Variants in KRCC1 observed in about 807,000 individuals in gnomAD.
KRCC1 encodes the protein lysine-rich coiled-coil protein 1.
A neutral mutation model predicts 7.4 loss-of-function variants in KRCC1; 3 were observed. The observed-to-expected ratio is 0.40, with a 90% CI of 0.18 to 1.04. KRCC1 has a LOEUF of 1.04. Ranked by LOEUF, KRCC1 falls within the 50% of genes least tolerant of loss-of-function variation. The pLI is 0.33. For synonymous variants in KRCC1, 102 were observed against 101.6 expected (o/e 1.00, Z -0.02); for missense variants, 277 against 300.9 (o/e 0.92, Z 0.59).
chr2:88,046,879 G>A (rs146763735), intron 1 of KRCC1, among the ~76,000 whole-genome samples: 1,629 of 152,060 alleles, frequency 0.011, 20 homozygotes, highest in Middle Eastern at 0.017. Flanking sequence ...TTGCTTTGTT[G>A]CCCAGGTTGG....
At chr2:88,032,223 T>C (rs1673008507) in intron 3 of KRCC1, among the ~76,000 whole-genome samples, 1 of 152,142 alleles carries the variant, frequency 6.6e-6, no homozygotes, top group Non-Finnish European at 1.5e-5. Flanking sequence ...AGTAATATCT[T>C]AGGCCTTCCC....
chr2:88,032,292 T>C (rs981949915), intron 3 of KRCC1, among the ~76,000 whole-genome samples: 3 of 152,186 alleles, frequency 2.0e-5, no homozygotes, highest in African/African-American at 7.2e-5. Context: ...CCTCCATTCA[T>C]GCTAAATGCC....
At position 88,031,122 on chromosome 2, in the gene KRCC1, C is replaced by T. The variant is rs58550079; in HGVS notation, c.-22-2537G>A. On this transcript the variant is annotated intron_variant, in intron 3 of 3. Coordinates refer to ENST00000347055, the MANE Select transcript of KRCC1 (RefSeq NM_016618.3). ...TTAAAAAAAAAAGTTAACTGTAAAA[C>T]AGCCTCAGGAAGGTCCTTCAGAAGG... 4.0e-5 allele frequency among the ~76,000 whole-genome samples: 6 copies of T among 151,842 alleles called. No homozygotes were observed. In the East Asian group the frequency reaches 1.2e-3, roughly 29 times the overall value.
At chr2:88,036,841 C>T (rs749066266) in intron 2 of KRCC1, 102 bp downstream of exon 2, 2 of 152,134 alleles carry the variant, frequency 1.3e-5, no homozygotes, top group Non-Finnish European at 2.9e-5. Flanking sequence ...ATCAAAAGGA[C>T]AATACTTTTC....
At chr2:88,035,674 GA>G (rs779552115) in intron 2 of KRCC1, among the ~76,000 whole-genome samples, 1 of 152,108 alleles carries the variant, frequency 6.6e-6, no homozygotes, top group Non-Finnish European at 1.5e-5. Flanking sequence ...TAAATGTAGG[GA>G]AAAGGACACT....
At chr2:88,050,106 T>A (rs879765935) in intron 1 of KRCC1, among the ~76,000 whole-genome samples, 2 of 152,226 alleles carry the variant, frequency 1.3e-5, no homozygotes, top group Admixed American at 6.5e-5. Context: ...CCAAGTATAA[T>A]ATCTGGCACA....
At chr2:88,047,775 C>T (rs1207426854) in intron 1 of KRCC1, among the ~76,000 whole-genome samples, 2 of 151,750 alleles carry the variant, frequency 1.3e-5, no homozygotes, top group Non-Finnish European at 1.5e-5. Context: ...AGTGATCTGC[C>T]GCCTCGGCCT....
In KRCC1 at chr2:88,032,248, C is replaced by T. The variant is rs565104025; in HGVS notation, c.-23+1886G>A. On this transcript the variant is annotated intron_variant, in intron 3 of 3. Transcript: ENST00000347055. ...TAGGCCTTCCCATTAACTCACCACTCACTGACTCAGAGCAACTTGCAGTCC... is the reference window on the plus strand; with the variant it reads ...TAGGCCTTCCCATTAACTCACCACTTACTGACTCAGAGCAACTTGCAGTCC... 3.9e-5 allele frequency among the ~76,000 whole-genome samples: 6 copies of T among 152,254 alleles called. No homozygotes were observed. The South Asian group carries it at 1.2e-3, about 32-fold the overall frequency.
chr2:88,048,086 A>T (rs201285706), intron 1 of KRCC1, among the ~76,000 whole-genome samples: 5 of 146,900 alleles, frequency 3.4e-5, no homozygotes, highest in African/African-American at 5.0e-5. Context: ...TTTTCAGTGT[A>T]TTTTTTTTTT....
In KRCC1 at chr2:88,027,752, A is replaced by ATT. The variant is rs1558828779; in HGVS notation, c.*30_*31dup. 5 of 1,538,586 alleles carry ATT rather than the reference A, an allele frequency of 3.2e-6. No individual in the cohort carries two copies. In the East Asian group the frequency reaches 1.1e-4, roughly 35 times the overall value. Reference sequence around the variant, plus strand: ...AACCAAGCTCTCACCTATTTTTTCAATTTAACTTTGGGAGAACCAACTTTG... The same window carrying ATT: ...AACCAAGCTCTCACCTATTTTTTCAATTTTTAACTTTGGGAGAACCAACTTTG... On this transcript the variant is annotated 3_prime_UTR_variant, in exon 4 of 4. Coordinates refer to ENST00000347055, the MANE Select transcript of KRCC1 (RefSeq NM_016618.3).
chr2:88,045,300 G>C (rs1394692628), intron 1 of KRCC1, among the ~76,000 whole-genome samples: 2 of 152,086 alleles, frequency 1.3e-5, no homozygotes, highest in Non-Finnish European at 2.9e-5. Flanking sequence ...AGCTTTATTT[G>C]TAACAGCCAA....
Position 88,028,178 on chromosome 2 carries a change from G to A in KRCC1, c.386C>T (p.Ser129Leu). 2.5e-6 allele frequency: 4 copies of A among 1,614,146 alleles called. No individual in the cohort carries two copies. Among genetic ancestry groups the A allele is most frequent in the Non-Finnish European group, 3.4e-6 (4 of 1,180,024 alleles). ...GTAAACTCTATGTTCTACACCATGT[G>A]AGCCACAAATATATTCTTGTTGATT... ...NFNQQEYICG[S>L]HGVEHRVYKH... The change falls in exon 4 of 4, where the codon TCA (serine) becomes TTA (leucine). Residue 129 changes from serine (S) to leucine (L), a missense_variant. Ser to Leu is a moderately radical substitution (Grantham distance 145). Transcript: ENST00000347055.
intron 3 of KRCC1, among the ~76,000 whole-genome samples, chr2:88,032,832 G>A (rs1319916698): frequency 6.6e-6 from 1 of 152,138 alleles, no homozygotes; most frequent in Admixed American, 6.5e-5. Flanking sequence ...TAGGCATAGT[G>A]GCTCATGCCT....
At chr2:88,028,911 A>G (rs941891734) in intron 3 of KRCC1, among the ~76,000 whole-genome samples, 9 of 152,134 alleles carry the variant, frequency 5.9e-5, no homozygotes, top group Admixed American at 5.9e-4. Context: ...TCAGCCTCCC[A>G]AAGTGCCAGG....
chr2:88,041,589 T>C (rs760191292), intron 1 of KRCC1, among the ~76,000 whole-genome samples: 6 of 152,188 alleles, frequency 3.9e-5, no homozygotes, highest in Non-Finnish European at 8.8e-5. Flanking sequence ...CTGAACTAAT[T>C]GTATATGTAT....
chr2:88,049,063 C>T (rs1029076298), intron 1 of KRCC1, among the ~76,000 whole-genome samples: 1 of 152,152 alleles, frequency 6.6e-6, no homozygotes, highest in Non-Finnish European at 1.5e-5. Context: ...TTGCCATGTT[C>T]TAGCTACTTT....
intron 3 of KRCC1, 23 bp from the exon 4 acceptor site, chr2:88,028,608 T>C: frequency 3.0e-6 from 4 of 1,352,948 alleles, no homozygotes; most frequent in Non-Finnish European, 4.1e-6. Flanking sequence ...GAGAAAATTC[T>C]TACCAGATCA....
At chr2:88,053,454 T>C (rs913964090) in intron 1 of KRCC1, among the ~76,000 whole-genome samples, 2 of 152,220 alleles carry the variant, frequency 1.3e-5, no homozygotes, top group Non-Finnish European at 2.9e-5. Flanking sequence ...CAAATCTTCC[T>C]GTGGTCTGGC....
At chr2:88,039,399 A>C (rs542444810) in intron 1 of KRCC1, among the ~76,000 whole-genome samples, 50 of 152,332 alleles carry the variant, frequency 3.3e-4, no homozygotes, top group Admixed American at 1.2e-3. Flanking sequence ...TTAAAAATGT[A>C]TCTCAGGCTG....
Sources: allele counts gnomAD v4.1 joint callset (sites outside exome capture counted in the v4.1 genomes callset), GRCh38; gene constraint gnomAD v4.1.1; transcripts MANE v1.5; gene names NCBI Gene and HGNC (gene_info 2026-07-23, HGNC 2026-07-21).